Variants in TMEM45A observed in about 807,000 individuals in gnomAD.
TMEM45A encodes transmembrane protein 45A.
A neutral mutation model predicts 32.0 loss-of-function variants in TMEM45A; 25 were observed. The observed-to-expected ratio is 0.78, with a 90% CI of 0.57 to 1.09. The LOEUF (loss-of-function observed/expected upper bound fraction) is 1.09, where lower values mean the gene tolerates loss of function less well. Ranked by LOEUF, TMEM45A falls within the 50% of genes least tolerant of loss-of-function variation. The probability of loss-of-function intolerance (pLI) is 0.00; values close to 1 mark genes in which losing one functional copy is unlikely to be tolerated. For missense variants in TMEM45A, 302 were observed against 325.0 expected (o/e 0.93, Z 0.54); for synonymous variants, 122 against 114.8 (o/e 1.06, Z -0.40).
In TMEM45A at chr3:100,500,808, A is replaced by G. The variant is rs1707999458; in HGVS notation, c.-4+7880A>G. Among the ~76,000 whole-genome samples the G allele has an allele frequency of 2.6e-5, 4 of 152,348 alleles. No individual in the cohort carries two copies. The South Asian group carries it at 8.3e-4, about 32-fold the overall frequency. ...CTTCAAGAGAAATTTAAAAAAAATG[A>G]CCAGCAAGGTGGTGCTTTCCACAGC... On this transcript the variant is annotated intron_variant, in intron 1 of 5. Coordinates refer to ENST00000323523, the MANE Select transcript of TMEM45A (RefSeq NM_018004.3).
intron 5 of TMEM45A, chr3:100,574,325 C>T (rs1706636872): frequency 6.6e-6 from 1 of 152,138 alleles, no homozygotes; most frequent in African/African-American, 2.4e-5. Context: ...GATGTCACCA[C>T]CGATCCCACA....
At chr3:100,561,642 A>G (rs1354484266) in intron 4 of TMEM45A, among the ~76,000 whole-genome samples, 1 of 152,176 alleles carries the variant, frequency 6.6e-6, no homozygotes, top group Non-Finnish European at 1.5e-5. Context: ...TATACTATGA[A>G]TCATGTTTTC....
intron 1 of TMEM45A, among the ~76,000 whole-genome samples, chr3:100,554,500 G>T (rs527872884): frequency 2.0e-4 from 31 of 152,276 alleles, no homozygotes; most frequent in African/African-American, 6.3e-4. Context: ...CTTGGAAAGT[G>T]ACATGTGCTA....
intron 4 of TMEM45A, among the ~76,000 whole-genome samples, chr3:100,563,072 G>T (rs1706366790): frequency 6.6e-6 from 1 of 152,182 alleles, no homozygotes; most frequent in Non-Finnish European, 1.5e-5. Context: ...TGAAATCAAG[G>T]TGTTGGCAGG....
chr3:100,512,332 A>G (rs372762769), intron 1 of TMEM45A, among the ~76,000 whole-genome samples: 1 of 152,162 alleles, frequency 6.6e-6, no homozygotes, highest in Admixed American at 6.5e-5. Flanking sequence ...ACTCAAAAAC[A>G]CTCAACTACA....
chr3:100,495,386 T>C (rs1467934380), intron 1 of TMEM45A, among the ~76,000 whole-genome samples: 2 of 152,176 alleles, frequency 1.3e-5, no homozygotes, highest in African/African-American at 4.8e-5. Context: ...GAAGGAGACC[T>C]TTTGCAGGGG....
chr3:100,535,721 A>G (rs770442051), intron 1 of TMEM45A, among the ~76,000 whole-genome samples: 14 of 152,182 alleles, frequency 9.2e-5, no homozygotes, highest in Non-Finnish European at 1.5e-4. Flanking sequence ...AAGTCTCTTT[A>G]TCCTTAGTAG....
At chr3:100,497,331 G>A (rs1049177587) in intron 1 of TMEM45A, among the ~76,000 whole-genome samples, 3 of 152,202 alleles carry the variant, frequency 2.0e-5, no homozygotes, top group African/African-American at 4.8e-5. Flanking sequence ...GCCATGGAGA[G>A]CATTCAGTAT....
chr3:100,566,607 A>T (rs2148992605), intron 4 of TMEM45A, among the ~76,000 whole-genome samples: 1 of 152,178 alleles, frequency 6.6e-6, no homozygotes, highest in African/African-American at 2.4e-5. Context: ...TATCCATTTT[A>T]CATTCCCATC....
chr3:100,557,095 C>A, intron 3 of TMEM45A, 123 bp downstream of exon 3: 1 of 1,105,358 alleles, frequency 9.0e-7, no homozygotes, highest in South Asian at 1.4e-5. Flanking sequence ...ATATCTGGGC[C>A]ATAATGAAAT....
At chr3:100,561,458 T>G (rs1007678764) in intron 4 of TMEM45A, among the ~76,000 whole-genome samples, 1 of 152,166 alleles carries the variant, frequency 6.6e-6, no homozygotes, top group African/African-American at 2.4e-5. Flanking sequence ...ATTGGCCACT[T>G]TTTTATCACA....
At chr3:100,553,550 A>G (rs11923322) in intron 1 of TMEM45A, among the ~76,000 whole-genome samples, 8,929 of 152,252 alleles carry the variant, frequency 0.059, 909 homozygotes, top group African/African-American at 0.2. Context: ...AATCCCATAT[A>G]GAAGTTTTCT....
intron 1 of TMEM45A, among the ~76,000 whole-genome samples, chr3:100,549,022 C>T (rs769938139): frequency 5.9e-5 from 9 of 152,120 alleles, no homozygotes; most frequent in East Asian, 1.9e-4. Context: ...CCAAGGTGGG[C>T]GGATCACCTG....
At chr3:100,536,019 G>A (rs1456087127) in intron 1 of TMEM45A, among the ~76,000 whole-genome samples, 2 of 152,122 alleles carry the variant, frequency 1.3e-5, no homozygotes, top group Non-Finnish European at 2.9e-5. Context: ...TGACAAGAGT[G>A]AGAATTTGCC....
At chr3:100,530,217 G>A (rs990225797) in intron 1 of TMEM45A, among the ~76,000 whole-genome samples, 1 of 152,186 alleles carries the variant, frequency 6.6e-6, no homozygotes, top group South Asian at 2.1e-4. Flanking sequence ...ATAACCAAAA[G>A]GTTGTGTGTG....
chr3:100,493,910 T>C (rs1001543137), intron 1 of TMEM45A, among the ~76,000 whole-genome samples: 2 of 152,154 alleles, frequency 1.3e-5, no homozygotes, highest in Non-Finnish European at 2.9e-5. Flanking sequence ...TTTTGTATTT[T>C]TAGTAAAGAC....
intron 1 of TMEM45A, among the ~76,000 whole-genome samples, chr3:100,525,401 G>A (rs903186308): frequency 1.3e-5 from 2 of 152,066 alleles, no homozygotes; most frequent in African/African-American, 4.8e-5. Context: ...TGTTTCTGTT[G>A]GGCAGCACTT....
intron 5 of TMEM45A, chr3:100,574,695 G>C (rs1479434409): frequency 6.6e-6 from 1 of 152,096 alleles, no homozygotes; most frequent in Admixed American, 6.6e-5. Flanking sequence ...GTGTCTCCTT[G>C]AGTATGAGAC....
chr3:100,513,197 C>T (rs977826322), intron 1 of TMEM45A, among the ~76,000 whole-genome samples: 3,699 of 150,868 alleles, frequency 0.025, 162 homozygotes, highest in African/African-American at 0.087. Context: ...GACCAATATC[C>T]TTGATGAACA....
Sources: gnomAD v4.1 joint callset for allele counts (sites outside exome capture counted in the v4.1 genomes callset) on GRCh38, gnomAD v4.1.1 for gene constraint, MANE v1.5 for transcripts, NCBI Gene and HGNC (gene_info 2026-07-23, HGNC 2026-07-21) for gene names.